RPSA2: variants seen among roughly 807,000 people sequenced by gnomAD.
RPSA2 encodes the protein ribosomal protein SA 2.
the RPSA2 span, chr19:23,808,720 T>A: frequency 1.4e-6 from 1 of 704,778 alleles, no homozygotes; most frequent in Non-Finnish European, 2.3e-6. Context: ...ATAAAACAGG[T>A]ATTACTGTCT....
At chr19:23,766,254 G>T in the RPSA2 span, among the ~76,000 whole-genome samples, 1 of 141,506 alleles carries the variant, frequency 7.1e-6, no homozygotes. Flanking sequence ...CCAGGTTCGA[G>T]TGATTCTCCC....
At chr19:23,870,278 A>C in the RPSA2 span, among the ~76,000 whole-genome samples, 1 of 152,204 alleles carries the variant, frequency 6.6e-6, no homozygotes, top group Non-Finnish European at 1.5e-5. Flanking sequence ...GCAGCCAACT[A>C]AGCATGGCTA....
At chr19:23,820,848 A>G in the RPSA2 span, among the ~76,000 whole-genome samples, 148,840 of 152,162 alleles carry the variant, frequency 0.98, 72,887 homozygotes, top group Middle Eastern at 1. Context: ...TTCCACCACC[A>G]AGTGCAATGT....
chr19:23,783,257 A>T, the RPSA2 span, among the ~76,000 whole-genome samples: 6 of 151,714 alleles, frequency 4.0e-5, 1 homozygote, highest in Admixed American at 3.9e-4. Flanking sequence ...CACCACTCCC[A>T]CCTAATTTTG....
chr19:23,832,906 A>T, the RPSA2 span: 26 of 1,554,018 alleles, frequency 1.7e-5, no homozygotes, highest in African/African-American at 3.5e-4. Flanking sequence ...GGAACGTGGC[A>T]AATCTTTTAA....
the RPSA2 span, chr19:23,833,033 T>C: frequency 2.2e-6 from 3 of 1,378,528 alleles, no homozygotes; most frequent in Admixed American, 2.5e-5. Context: ...CATAAGAGAA[T>C]TCATACTGGA....
At chr19:23,802,179 C>A in the RPSA2 span, among the ~76,000 whole-genome samples, 148,902 of 152,234 alleles carry the variant, frequency 0.98, 72,915 homozygotes, top group Middle Eastern at 1. Context: ...TGCTACCTTT[C>A]TGTGAGAGGC....
chr19:23,812,356 A>G, the RPSA2 span, among the ~76,000 whole-genome samples: 3 of 131,820 alleles, frequency 2.3e-5, no homozygotes, highest in African/African-American at 5.6e-5. Flanking sequence ...CTTATCTTGT[A>G]TATATTCTTT....
the RPSA2 span, among the ~76,000 whole-genome samples, chr19:23,793,082 G>A: frequency 6.6e-6 from 1 of 152,120 alleles, no homozygotes; most frequent in African/African-American, 2.4e-5. Flanking sequence ...AGTATTTTAT[G>A]TTGACTACTG....
the RPSA2 span, among the ~76,000 whole-genome samples, chr19:23,870,849 A>G: frequency 2.6e-5 from 4 of 152,176 alleles, no homozygotes; most frequent in Non-Finnish European, 2.9e-5. Flanking sequence ...ATTCCACTGG[A>G]AGCTATATGA....
the RPSA2 span, among the ~76,000 whole-genome samples, chr19:23,853,344 C>T: frequency 1.5e-4 from 22 of 146,148 alleles, no homozygotes; most frequent in African/African-American, 4.6e-4. Flanking sequence ...AGTTACCATC[C>T]GCCACTTGCC....
chr19:23,828,416 A>G, the RPSA2 span, among the ~76,000 whole-genome samples: 1 of 140,584 alleles, frequency 7.1e-6, no homozygotes, highest in Admixed American at 7.2e-5. Context: ...CAAAAATGCA[A>G]TGAGAAATTT....
chr19:23,805,157 A>T, the RPSA2 span, among the ~76,000 whole-genome samples: 147 of 1,676 alleles, frequency 0.088, 1 homozygote, highest in Admixed American at 0.17. Flanking sequence ...ACACACACAC[A>T]CACACACTTT....
chr19:23,827,777 G>T, the RPSA2 span: 1 of 1,587,000 alleles, frequency 6.3e-7, no homozygotes, highest in African/African-American at 1.3e-5. Flanking sequence ...CTTCTACAGA[G>T]ATCCTGAAGA....
At chr19:23,867,116 T>C in the RPSA2 span, among the ~76,000 whole-genome samples, 1 of 152,146 alleles carries the variant, frequency 6.6e-6, no homozygotes, top group African/African-American at 2.4e-5. Context: ...TTCCAACCCT[T>C]AGCCTCTAAT....
the RPSA2 span, among the ~76,000 whole-genome samples, chr19:23,825,942 C>T: frequency 6.6e-6 from 1 of 150,394 alleles, no homozygotes; most frequent in Non-Finnish European, 1.5e-5. Flanking sequence ...TATATGATTT[C>T]TGTGTGGGAG....
the RPSA2 span, among the ~76,000 whole-genome samples, chr19:23,862,457 G>A: frequency 1.6e-4 from 25 of 151,556 alleles, no homozygotes; most frequent in South Asian, 6.3e-4. Context: ...TCTTGTGCCA[G>A]TTTTCAAAGG....
At chr19:23,782,655 G>A in the RPSA2 span, among the ~76,000 whole-genome samples, 1 of 152,100 alleles carries the variant, frequency 6.6e-6, no homozygotes, top group Non-Finnish European at 1.5e-5. Flanking sequence ...ATATGTTTGG[G>A]CCTCCCACCT....
At chr19:23,822,491 G>A in the RPSA2 span, among the ~76,000 whole-genome samples, 1 of 152,182 alleles carries the variant, frequency 6.6e-6, no homozygotes, top group Non-Finnish European at 1.5e-5. Context: ...GGTTCTCCGT[G>A]TAGGAGGGGG....
Sources: gnomAD v4.1 joint callset for allele counts (sites outside exome capture counted in the v4.1 genomes callset) on GRCh38, gnomAD v4.1.1 for gene constraint, MANE v1.5 for transcripts, NCBI Gene and HGNC (gene_info 2026-07-23, HGNC 2026-07-21) for gene names.